Variants in RARB observed in about 807,000 individuals in gnomAD.
RARB encodes HBV-activated protein.
Under a neutral mutation model 51.9 loss-of-function variants are expected in RARB, and 17 were observed. That is an observed-to-expected ratio of 0.33 (90% CI 0.22 to 0.49). The LOEUF is 0.49. RARB is among the 20% of genes least tolerant of loss of function. The pLI, the probability that RARB is intolerant of heterozygous loss-of-function variation, is 0.99. For synonymous variants in RARB, 215 were observed against 195.4 expected (o/e 1.10, Z -0.84); for missense variants, 369 against 550.8 (o/e 0.67, Z 3.30).
At position 25,049,515 on chromosome 3, in the gene RARB, C is replaced by A. The variant is rs73149118; in HGVS notation, c.-379-10610C>A. ...TGTCATGAAAAGGGTGGGAGACTTACTGGAATAGGCTGTGAGATTCATAAA... is the reference window on the plus strand; with the variant it reads ...TGTCATGAAAAGGGTGGGAGACTTAATGGAATAGGCTGTGAGATTCATAAA... On this transcript the variant is annotated intron_variant, in intron 2 of 11. Coordinates refer to the RARB transcript ENST00000383772. 9.5e-3 allele frequency among the ~76,000 whole-genome samples: 1,448 copies of A among 152,230 alleles called. 32 individuals are homozygous for A. Among genetic ancestry groups the A allele is most frequent in the African/African-American group, 0.033 (1,376 of 41,536 alleles).
chr3:25,351,101 A>C (rs534470401), intron 5 of RARB, among the ~76,000 whole-genome samples: 7 of 152,162 alleles, frequency 4.6e-5, no homozygotes, highest in African/African-American at 1.7e-4. Context: ...ATTATTTCCA[A>C]TTAAAACTTG....
At chr3:25,459,349 G>A (rs955347650) in intron 1 of RARB, among the ~76,000 whole-genome samples, 6 of 152,204 alleles carry the variant, frequency 3.9e-5, no homozygotes, top group African/African-American at 1.4e-4. Context: ...CAGAATAGAT[G>A]CCAATTATAT....
intron 2 of RARB, among the ~76,000 whole-genome samples, chr3:24,975,879 C>A (rs1696500523): frequency 6.6e-6 from 1 of 152,092 alleles, no homozygotes; most frequent in Non-Finnish European, 1.5e-5. Flanking sequence ...ATCAACTCGT[C>A]ATTTACATTA....
intron 5 of RARB, among the ~76,000 whole-genome samples, chr3:25,269,489 A>G (rs1043830523): frequency 3.3e-5 from 5 of 152,100 alleles, no homozygotes; most frequent in African/African-American, 9.7e-5. Flanking sequence ...TAGCTTGTTT[A>G]TACTTCAATT....
At chr3:25,074,572 G>A (rs140590961) in intron 3 of RARB, among the ~76,000 whole-genome samples, 5 of 152,148 alleles carry the variant, frequency 3.3e-5, no homozygotes, top group African/African-American at 1.2e-4. Flanking sequence ...TTCACCCTTC[G>A]AAGCCTGCCA....
chr3:25,272,037 A>G (rs939266874), intron 5 of RARB, among the ~76,000 whole-genome samples: 3 of 152,232 alleles, frequency 2.0e-5, no homozygotes, highest in African/African-American at 4.8e-5. Flanking sequence ...AAAATGAAAT[A>G]AAATTTAAAA....
chr3:25,531,863 G>C (rs911953942), intron 3 of RARB, among the ~76,000 whole-genome samples: 3 of 151,930 alleles, frequency 2.0e-5, no homozygotes, highest in African/African-American at 7.3e-5. Flanking sequence ...GGTCTTTGCT[G>C]AAGGGAGAAG....
At chr3:25,490,149 A>C (rs1696658978) in intron 2 of RARB, among the ~76,000 whole-genome samples, 1 of 151,996 alleles carries the variant, frequency 6.6e-6, no homozygotes, top group Non-Finnish European at 1.5e-5. Context: ...ATTCTCATAG[A>C]CTCTATGAGT....
At chr3:24,838,927 G>T (rs1020575698) in intron 1 of RARB, among the ~76,000 whole-genome samples, 10 of 146,252 alleles carry the variant, frequency 6.8e-5, no homozygotes, top group East Asian at 4.0e-4. Flanking sequence ...AAATCTCCAG[G>T]TTTTTTTTTT....
intron 5 of RARB, among the ~76,000 whole-genome samples, chr3:25,332,655 A>C (rs1376511807): frequency 6.6e-6 from 1 of 152,234 alleles, no homozygotes; most frequent in African/African-American, 2.4e-5. Flanking sequence ...TATTCAGCAT[A>C]GTGCTGGAAG....
At chr3:25,360,814 C>G (rs1705909510) in intron 5 of RARB, among the ~76,000 whole-genome samples, 2 of 152,168 alleles carry the variant, frequency 1.3e-5, no homozygotes, top group African/African-American at 4.8e-5. Flanking sequence ...CCCCTACTCT[C>G]TTCTGGCTTG....
intron 2 of RARB, among the ~76,000 whole-genome samples, chr3:24,908,444 A>G (rs1694914537): frequency 6.6e-6 from 1 of 152,196 alleles, no homozygotes; most frequent in South Asian, 2.1e-4. Context: ...AGGAAAATCA[A>G]TGAAGCAAGA....
intron 4 of RARB, among the ~76,000 whole-genome samples, chr3:25,571,914 G>A (rs1700726983): frequency 1.3e-5 from 2 of 152,338 alleles, no homozygotes; most frequent in South Asian, 4.1e-4. Flanking sequence ...ACCCTCCAGA[G>A]ACCTGGCCCC....
intron 3 of RARB, among the ~76,000 whole-genome samples, chr3:25,541,825 C>T (rs550702006): frequency 1.6e-4 from 25 of 152,306 alleles, no homozygotes; most frequent in African/African-American, 5.5e-4. Context: ...AACAACCCTC[C>T]GGCCCCTTCC....
chr3:25,358,009 A>G lies in RARB; in HGVS notation c.179-103184A>G, dbSNP rs138792687. On this transcript the variant is annotated intron_variant, in intron 5 of 11. Coordinates refer to the RARB transcript ENST00000383772. ...TATACAGGCTCCTTTTTGGTTCCAA[A>G]TGAAATTTAAAGTAGTTTTTTCTAA... is the stretch of plus-strand genomic sequence containing the variant. Among the ~76,000 whole-genome samples the G allele has an allele frequency of 9.8e-5, 15 of 152,324 alleles. No homozygotes were observed. In the East Asian group the frequency reaches 1.7e-3, roughly 18 times the overall value.
At chr3:25,122,018 T>C (rs758703364) in intron 3 of RARB, among the ~76,000 whole-genome samples, 2 of 152,224 alleles carry the variant, frequency 1.3e-5, no homozygotes, top group Non-Finnish European at 2.9e-5. Context: ...CATTCTCTTA[T>C]ACTTCTTTGA....
chr3:25,050,433 TAA>T, intron 2 of RARB, among the ~76,000 whole-genome samples: 1 of 149,112 alleles, frequency 6.7e-6, no homozygotes, highest in Middle Eastern at 3.5e-3. Flanking sequence ...GCTCATGATT[TAA>T]AAAAAAAAAT....
chr3:25,252,587 A>C (rs1442909683), intron 5 of RARB, among the ~76,000 whole-genome samples: 1 of 152,126 alleles, frequency 6.6e-6, no homozygotes, highest in Non-Finnish European at 1.5e-5. Flanking sequence ...ATTCCGAACT[A>C]TTTTATTGTT....
intron 3 of RARB, among the ~76,000 whole-genome samples, chr3:25,129,759 G>A (rs1006841382): frequency 6.6e-6 from 1 of 151,966 alleles, no homozygotes; most frequent in African/African-American, 2.4e-5. Context: ...TTTTGCATAT[G>A]GTTGGAATTT....
Sources: gnomAD v4.1 joint callset for allele counts (sites outside exome capture counted in the v4.1 genomes callset) on GRCh38, gnomAD v4.1.1 for gene constraint, MANE v1.5 for transcripts, NCBI Gene and HGNC (gene_info 2026-07-23, HGNC 2026-07-21) for gene names.